CSGALNACT1: variants seen among roughly 807,000 people sequenced by gnomAD.
CSGALNACT1 encodes the protein chondroitin sulfate N-acetylgalactosaminyltransferase 1.
CSGALNACT1 carries 52 observed loss-of-function variants against 51.0 expected under a neutral mutation model. That is an observed-to-expected ratio of 1.02 (90% CI 0.82 to 1.29). The LOEUF (loss-of-function observed/expected upper bound fraction) is 1.29, where lower values mean the gene tolerates loss of function less well. Ranked by LOEUF, CSGALNACT1 falls within the 50% of genes most tolerant of loss-of-function variation. The probability of loss-of-function intolerance (pLI) is 0.00; values close to 1 mark genes in which losing one functional copy is unlikely to be tolerated. For synonymous variants in CSGALNACT1, 341 were observed against 254.4 expected, an observed-to-expected ratio of 1.34 and a Z score of -3.24; for missense variants, 935 against 679.2, an observed-to-expected ratio of 1.38 and a Z score of -4.19.
chr8:19,483,791 T>G (rs1241209232), intron 4 of CSGALNACT1, among the ~76,000 whole-genome samples: 1 of 152,208 alleles, frequency 6.6e-6, no homozygotes, highest in East Asian at 1.9e-4. Flanking sequence ...TGACGGCAAA[T>G]AATAAATTAC....
intron 3 of CSGALNACT1, among the ~76,000 whole-genome samples, chr8:19,576,302 TCTC>T (rs917929392): frequency 9.1e-6 from 1 of 110,370 alleles, no homozygotes; most frequent in African/African-American, 3.7e-5. Context: ...TTCATGAGAT[TCTC>T]CTGCCTCAGC....
At chr8:19,718,517 GT>G (rs1343464051) in intron 1 of CSGALNACT1, among the ~76,000 whole-genome samples, 1 of 152,190 alleles carries the variant, frequency 6.6e-6, no homozygotes, top group Non-Finnish European at 1.5e-5. Context: ...GTGAATCTGT[GT>G]TTTTAAAACA....
At chr8:19,672,074 C>T (rs975095990) in intron 1 of CSGALNACT1, among the ~76,000 whole-genome samples, 1 of 152,160 alleles carries the variant, frequency 6.6e-6, no homozygotes, top group Non-Finnish European at 1.5e-5. Flanking sequence ...AGTGTTAAGG[C>T]TCATGATATA....
chr8:19,473,862 A>C (rs937761218), intron 4 of CSGALNACT1, among the ~76,000 whole-genome samples: 3 of 152,220 alleles, frequency 2.0e-5, no homozygotes, highest in Non-Finnish European at 2.9e-5. Flanking sequence ...AAGATCAAGA[A>C]AAGAATTATA....
chr8:19,433,401 T>A (rs1039164789), intron 6 of CSGALNACT1, among the ~76,000 whole-genome samples: 1 of 152,192 alleles, frequency 6.6e-6, no homozygotes, highest in African/African-American at 2.4e-5. Flanking sequence ...GTCCTTAGGT[T>A]TTCAGGAATG....
chr8:19,678,122 A>T (rs977572971), intron 1 of CSGALNACT1, among the ~76,000 whole-genome samples: 10 of 152,100 alleles, frequency 6.6e-5, no homozygotes, highest in African/African-American at 2.4e-4. Flanking sequence ...CAAAAAAAAA[A>T]ATTACCCCAC....
chr8:19,568,395 CCA>C (rs2042319451), intron 3 of CSGALNACT1, among the ~76,000 whole-genome samples: 1 of 152,076 alleles, frequency 6.6e-6, no homozygotes, highest in Non-Finnish European at 1.5e-5. Flanking sequence ...TATGGGACCA[CCA>C]TCATATATGT....
intron 3 of CSGALNACT1, among the ~76,000 whole-genome samples, chr8:19,560,732 G>A (rs1219328319): frequency 6.6e-6 from 1 of 152,210 alleles, no homozygotes; most frequent in Non-Finnish European, 1.5e-5. Context: ...TGCTGACAAA[G>A]ATGTAACACC....
At chr8:19,575,498 C>T (rs1249246519) in intron 3 of CSGALNACT1, among the ~76,000 whole-genome samples, 4 of 152,276 alleles carry the variant, frequency 2.6e-5, no homozygotes, top group South Asian at 4.1e-4. Flanking sequence ...TGGAAGTAAT[C>T]GTTAAGCAGG....
At chr8:19,754,512 T>C (rs946074694) in intron 1 of CSGALNACT1, among the ~76,000 whole-genome samples, 1 of 152,138 alleles carries the variant, frequency 6.6e-6, no homozygotes, top group Non-Finnish European at 1.5e-5. Context: ...ACCATATACA[T>C]ATATATTTTC....
At chr8:19,583,552 A>G (rs1008678553) in intron 3 of CSGALNACT1, among the ~76,000 whole-genome samples, 1 of 152,204 alleles carries the variant, frequency 6.6e-6, no homozygotes, top group Admixed American at 6.5e-5. Flanking sequence ...ACACTCTCCC[A>G]AAATGTGTTA....
chr8:19,422,566 A>T (rs751824843), intron 6 of CSGALNACT1, among the ~76,000 whole-genome samples: 2 of 152,202 alleles, frequency 1.3e-5, no homozygotes, highest in African/African-American at 4.8e-5. Context: ...TCAGAACTTT[A>T]TCTTGAGTCT....
At chr8:19,737,624 A>C (rs995897475) in intron 1 of CSGALNACT1, among the ~76,000 whole-genome samples, 1 of 152,148 alleles carries the variant, frequency 6.6e-6, no homozygotes, top group African/African-American at 2.4e-5. Flanking sequence ...CTCAATTCAA[A>C]GGAAGGAAAA....
At chr8:19,673,155 G>T (rs911568827) in intron 1 of CSGALNACT1, among the ~76,000 whole-genome samples, 1 of 152,200 alleles carries the variant, frequency 6.6e-6, no homozygotes, top group Non-Finnish European at 1.5e-5. Flanking sequence ...TTTCTGAGAA[G>T]GACCCACACA....
intron 1 of CSGALNACT1, among the ~76,000 whole-genome samples, chr8:19,691,599 G>C (rs1021650104): frequency 4.6e-5 from 7 of 152,152 alleles, no homozygotes; most frequent in African/African-American, 1.7e-4. Flanking sequence ...GATAACGCAG[G>C]CTTGACTTTC....
At chr8:19,485,501 C>T (rs1238228308) in intron 4 of CSGALNACT1, among the ~76,000 whole-genome samples, 2 of 152,102 alleles carry the variant, frequency 1.3e-5, no homozygotes, top group Admixed American at 1.3e-4. Context: ...GGAGATAGGA[C>T]ACCCCTGTTG....
chr8:19,433,047 G>A, intron 6 of CSGALNACT1, among the ~76,000 whole-genome samples: 1 of 151,984 alleles, frequency 6.6e-6, no homozygotes, highest in Non-Finnish European at 1.5e-5. Flanking sequence ...ATTATGGTAA[G>A]CCTAGAAAGT....
At chr8:19,614,171 G>A (rs2052680561) in intron 1 of CSGALNACT1, among the ~76,000 whole-genome samples, 1 of 152,048 alleles carries the variant, frequency 6.6e-6, no homozygotes, top group Non-Finnish European at 1.5e-5. Context: ...CCTATTATAT[G>A]CCAAGTACTT....
intron 1 of CSGALNACT1, among the ~76,000 whole-genome samples, chr8:19,708,616 C>T (rs1426653038): frequency 1.3e-5 from 2 of 152,270 alleles, no homozygotes; most frequent in South Asian, 2.1e-4. Context: ...ATTAAAAGAA[C>T]TCAGCAAATA....
Sources: allele counts gnomAD v4.1 joint callset (sites outside exome capture counted in the v4.1 genomes callset), GRCh38; gene constraint gnomAD v4.1.1; transcripts MANE v1.5; gene names NCBI Gene and HGNC (gene_info 2026-07-23, HGNC 2026-07-21).